SPDEF: variants seen among roughly 807,000 people sequenced by gnomAD.
The protein encoded by SPDEF is SAM pointed domain containing ETS transcription factor, also known as SAM pointed domain-containing Ets transcription factor.
A neutral mutation model predicts 36.0 loss-of-function variants in SPDEF; 12 were observed. The observed-to-expected ratio is 0.33, with a 90% CI of 0.21 to 0.54. The LOEUF (loss-of-function observed/expected upper bound fraction) is 0.54. Ranked by LOEUF, SPDEF falls within the 20% of genes least tolerant of loss-of-function variation. The pLI is 0.93. For missense variants in SPDEF, 388 were observed against 456.9 expected (o/e 0.85, Z 1.37); for synonymous variants, 205 against 193.0 (o/e 1.06, Z -0.51).
chr6:34,547,587 G>A (rs1767981103), intron 1 of SPDEF, among the ~76,000 whole-genome samples: 1 of 152,030 alleles, frequency 6.6e-6, no homozygotes, highest in African/African-American at 2.4e-5. Context: ...GGCTGGTCTC[G>A]AACTCCTGGG....
At chr6:34,541,301 GC>G in intron 2 of SPDEF, 120 bp from the exon 3 acceptor site, 2 of 985,162 alleles carry the variant, frequency 2.0e-6, no homozygotes, top group Non-Finnish European at 2.9e-6. Context: ...GGATAGGTCA[GC>G]CCCAGACAGG....
intron 3 of SPDEF, among the ~76,000 whole-genome samples, chr6:34,540,669 A>G (rs1767799242): frequency 6.6e-6 from 1 of 152,214 alleles, no homozygotes. Flanking sequence ...CAAAATTTTA[A>G]AAGGAAAAAG....
Position 34,544,030 on chromosome 6 carries a change from G to A in SPDEF, c.426C>T (p.Asn142=). 1 of 1,611,176 alleles carries A rather than the reference G, an allele frequency of 6.2e-7. No individual in the cohort carries two copies. Among genetic ancestry groups the A allele is most frequent in the Non-Finnish European group, 8.5e-7 (1 of 1,179,024 alleles). ...KDIETACKLL[N]ITADPMDWSP... is the part of the protein sequence containing the mutation. ...ATGGAGAGGGCTCACCTGCGGTGAT[G>A]TTGAGCAGCTTGCAGGCCGTCTCGA... Residue 142 remains asparagine (N), a synonymous_variant, in exon 2 of 6, where the codon AAC becomes AAT. Coordinates refer to ENST00000374037, the MANE Select transcript of SPDEF (RefSeq NM_012391.3). This position sits in a 1 kb window ranked among gnomAD's most constrained non-coding sequence, Gnocchi z 4.4.
rs1341828844 is a variant in SPDEF, at chr6:34,555,180, C to T, written c.-30+749G>A. 6.7e-6 allele frequency among the ~76,000 whole-genome samples: 1 copy of T among 149,936 alleles called. No individual in the cohort carries two copies. The highest frequency in any genetic ancestry group is 1.5e-5 in the Non-Finnish European group (1 of 67,804). On this transcript the variant is annotated intron_variant, in intron 1 of 5. Coordinates refer to ENST00000374037, the MANE Select transcript of SPDEF (RefSeq NM_012391.3). This position sits in a 1 kb window ranked among gnomAD's most constrained non-coding sequence, Gnocchi z 5.2. The stretch of plus-strand genomic sequence containing the variant: ...CCTCAGGGGCACCCAGTCGCCCAGG[C>T]CCTTCAGCTTCCCACCCTGTCATCC...
chr6:34,539,184 C>T lies in SPDEF; in HGVS notation c.829+66G>A, dbSNP rs1310191891. ...CCGCCCCTGCCCCCATGCACCGTGCCTGGCAGAAGCCCCCACAACCTCCAT... is the reference window on the plus strand; with the variant it reads ...CCGCCCCTGCCCCCATGCACCGTGCTTGGCAGAAGCCCCCACAACCTCCAT... On this transcript the variant is annotated intron_variant, in intron 5 of 5. Transcript: ENST00000374037. The surrounding 1 kb of genome is among the most constrained non-coding windows in gnomAD (Gnocchi z 5.2). The T allele has an allele frequency of 6.3e-7, 1 of 1,584,612 alleles. No individual in the cohort carries two copies. Among genetic ancestry groups the T allele is most frequent in the Admixed American group, 1.7e-5 (1 of 58,678 alleles).
intron 1 of SPDEF, among the ~76,000 whole-genome samples, chr6:34,553,030 C>T (rs528548015): frequency 6.6e-6 from 1 of 152,256 alleles, no homozygotes; most frequent in Non-Finnish European, 1.5e-5. Context: ...AGCCACGTCT[C>T]CCCTGTGCCA....
Position 34,544,391 on chromosome 6 carries a change from G to T in SPDEF, c.65C>A (p.Thr22Lys), listed in dbSNP as rs143433433. 5 of 1,592,694 alleles carry T rather than the reference G, an allele frequency of 3.1e-6. No homozygotes were observed. The African/African-American group carries it at 6.7e-5, about 21-fold the overall frequency. The change falls in exon 2 of 6, where the codon ACG (threonine) becomes AAG (lysine). Residue 22 changes from threonine to lysine, a missense_variant. By Grantham distance (78) the Thr-to-Lys change is moderately conservative (BLOSUM62 -1). Transcript: ENST00000374037. This position sits in a 1 kb window ranked among gnomAD's most constrained non-coding sequence, Gnocchi z 4.4. The stretch of plus-strand genomic sequence containing the variant: ...CTTCTCCAAGCCTGTCCGCGACACC[G>T]TGTCGGGGGGCAGCAGGAGGTGGCT... ...SPSHLLLPPDTVSRTGLEKAA... is the reference protein window; with the variant it reads ...SPSHLLLPPDKVSRTGLEKAA...
chr6:34,543,975 G>A (rs746052732), intron 2 of SPDEF, 45 bp downstream of exon 2: 2 of 1,581,788 alleles, frequency 1.3e-6, no homozygotes, highest in East Asian at 2.2e-5. Flanking sequence ...CCTCAGCCTT[G>A]CCTGTGACCC....
chr6:34,539,704 C>A lies in SPDEF; in HGVS notation c.635-142G>T. Reference sequence around the variant, plus strand: ...CTGTGGCTCCCTGCCTCCTGCCAACCTGGGGAGGCAAGCTGGTTACAAGAA... The same window carrying A: ...CTGTGGCTCCCTGCCTCCTGCCAACATGGGGAGGCAAGCTGGTTACAAGAA... On this transcript the variant is annotated intron_variant, in intron 3 of 5. Transcript: ENST00000374037. This position sits in a 1 kb window ranked among gnomAD's most constrained non-coding sequence, Gnocchi z 5.2. 4.4e-6 allele frequency: 4 copies of A among 919,442 alleles called. No individual in the cohort carries two copies. The highest frequency in any genetic ancestry group is 5.2e-6 in the Non-Finnish European group (3 of 580,186). The allele number at this position is 919,442 out of a possible 1,614,324, so 57.0% of individuals were successfully genotyped here. A position where few individuals can be genotyped will look rare whatever the true frequency, so the allele number is the denominator to read the frequency against.
chr6:34,543,710 G>A (rs1030653083), intron 2 of SPDEF, among the ~76,000 whole-genome samples: 1 of 152,208 alleles, frequency 6.6e-6, no homozygotes, highest in Non-Finnish European at 1.5e-5. Context: ...GGCCAGTGTG[G>A]CGGGAGCAGA....
At position 34,538,899 on chromosome 6, in the gene SPDEF, C is replaced by A. The variant is rs140115958; in HGVS notation, c.829+351G>T. Among the ~76,000 whole-genome samples the A allele has an allele frequency of 1.3e-5, 2 of 152,194 alleles. No homozygotes were observed. Among genetic ancestry groups the A allele is most frequent in the Non-Finnish European group, 2.9e-5 (2 of 68,040 alleles). Reference sequence around the variant, plus strand: ...TACAGGTGTCTCTGTAGTTCCCAAGCCTGAAACAACCTCTTTGCTATTCTC... The same window carrying A: ...TACAGGTGTCTCTGTAGTTCCCAAGACTGAAACAACCTCTTTGCTATTCTC... On this transcript the variant is annotated intron_variant, in intron 5 of 5. Transcript: ENST00000374037. This position sits in a 1 kb window ranked among gnomAD's most constrained non-coding sequence, Gnocchi z 5.9.
rs766462365 is a variant in SPDEF at position 34,541,064 on chromosome 6, G to A, written c.554C>T (p.Ala185Val). The change falls in exon 3 of 6, where the codon GCC (alanine) becomes GTC (valine). Residue 185 changes from alanine (A) to valine (V), a missense_variant. Coordinates refer to ENST00000374037, the MANE Select transcript of SPDEF (RefSeq NM_012391.3). ...CTGGCGGAACTGCTCCTCCGACATG[G>A]CGCACAGCTCCTTGCCCGCCAGCTC... ...FQELAGKELC[A>V]MSEEQFRQRS... The A allele has an allele frequency of 3.7e-6, 6 of 1,612,462 alleles. No individual in the cohort carries two copies. The African/African-American group carries it at 5.3e-5, about 14-fold the overall frequency.
rs985967637 is a variant in SPDEF at position 34,538,578 on chromosome 6, G to C, written c.830-126C>G. On this transcript the variant is annotated intron_variant, in intron 5 of 5. Transcript: ENST00000374037. This position sits in a 1 kb window ranked among gnomAD's most constrained non-coding sequence, Gnocchi z 5.9. ...CCCGTGCAGAGGCCTCCCCCTGCTCGGGTGGGGCGGGGTGTGGGGGCCCAA... is the reference window on the plus strand; with the variant it reads ...CCCGTGCAGAGGCCTCCCCCTGCTCCGGTGGGGCGGGGTGTGGGGGCCCAA... 2 of 908,484 alleles carry C rather than the reference G, an allele frequency of 2.2e-6. No homozygotes were observed. Among genetic ancestry groups the C allele is most frequent in the Non-Finnish European group, 3.3e-6 (2 of 608,084 alleles). 56.3% of individuals were successfully genotyped at this position (908,484 alleles called of 1,614,324 possible). A position where few individuals can be genotyped will look rare whatever the true frequency, so the allele number is the denominator to read the frequency against.
rs757659054 is a variant in SPDEF, at chr6:34,541,090, C to T, written c.528G>A (p.Gln176=). The change falls in exon 3 of 6, where the codon CAG becomes CAA. Residue 176 remains glutamine, a synonymous_variant. Transcript: ENST00000374037. The part of the protein sequence containing the change: ...YRLPPMGKAF[Q]ELAGKELCAM... The stretch of plus-strand genomic sequence containing the variant: ...CGCACAGCTCCTTGCCCGCCAGCTC[C>T]TGGAAGGCCTTGCCCATGGGGGGCA... The T allele has an allele frequency of 6.2e-7, 1 of 1,611,640 alleles. No homozygotes were observed. Among genetic ancestry groups the T allele is most frequent in the Admixed American group, 1.7e-5 (1 of 59,794 alleles).
chr6:34,538,188 G>A lies in SPDEF; in HGVS notation c.*86C>T, dbSNP rs572005094. 52 of 1,441,304 alleles carry A rather than the reference G, an allele frequency of 3.6e-5. No homozygotes were observed. The African/African-American group carries it at 4.2e-4, about 12-fold the overall frequency. 89.3% of individuals were successfully genotyped at this position (1,441,304 alleles called of 1,614,324 possible). On this transcript the variant is annotated 3_prime_UTR_variant, in exon 6 of 6. Coordinates refer to ENST00000374037, the MANE Select transcript of SPDEF (RefSeq NM_012391.3). The surrounding 1 kb of genome is among the most constrained non-coding windows in gnomAD (Gnocchi z 5.9). ...GTCAGAGCAGCAGAGCAGACTGCCCGTTTTCCCCCATCTCAGGGCCTGGCT... is the reference window on the plus strand; with the variant it reads ...GTCAGAGCAGCAGAGCAGACTGCCCATTTTCCCCCATCTCAGGGCCTGGCT...
Position 34,551,690 on chromosome 6 carries a change from G to A in SPDEF, c.-30+4239C>T, listed in dbSNP as rs370917239. Among the ~76,000 whole-genome samples the A allele has an allele frequency of 2.0e-5, 3 of 152,198 alleles. No homozygotes were observed. The South Asian group carries it at 6.2e-4, about 32-fold the overall frequency. ...GATGAGGGGTGTGGCTGTCCCTGGA[G>A]TTGATGTCTGGAGGCTCTGAAAGAC... On this transcript the variant is annotated intron_variant, in intron 1 of 5. Coordinates refer to ENST00000374037, the MANE Select transcript of SPDEF (RefSeq NM_012391.3).
Position 34,552,356 on chromosome 6 carries a change from C to T in SPDEF, c.-30+3573G>A, listed in dbSNP as rs1768079455. ...TGTCACCGGAGCTCTGCTGCTCCTG[C>T]CTGAGGCCCCTTGGCCGATCCTCTT... On this transcript the variant is annotated intron_variant, in intron 1 of 5. Coordinates refer to ENST00000374037, the MANE Select transcript of SPDEF (RefSeq NM_012391.3). This position sits in a 1 kb window ranked among gnomAD's most constrained non-coding sequence, Gnocchi z 4.6. 6.6e-6 allele frequency among the ~76,000 whole-genome samples: 1 copy of T among 152,256 alleles called. No homozygotes were observed. The highest frequency in any genetic ancestry group is 1.5e-5 in the Non-Finnish European group (1 of 68,048).
At chr6:34,540,027 G>A (rs1459958540) in intron 3 of SPDEF, among the ~76,000 whole-genome samples, 2 of 152,182 alleles carry the variant, frequency 1.3e-5, no homozygotes, top group Non-Finnish European at 1.5e-5. Context: ...CAGGCCGGGC[G>A]TGGAGGCTCA....
chr6:34,554,445 T>C (rs1469822603), intron 1 of SPDEF, among the ~76,000 whole-genome samples: 1 of 152,244 alleles, frequency 6.6e-6, no homozygotes, highest in African/African-American at 2.4e-5. Context: ...GTTTTACAAC[T>C]GACAGTGTGC....
Sources: gnomAD v4.1 joint callset for allele counts (sites outside exome capture counted in the v4.1 genomes callset) on GRCh38, gnomAD v4.1.1 for gene constraint, Gnocchi (gnomAD v3.1) non-coding constraint, MANE v1.5 for transcripts, NCBI Gene and HGNC (gene_info 2026-07-23, HGNC 2026-07-21) for gene names.